Variants in MGRN1 observed in about 807,000 individuals in gnomAD.
MGRN1 encodes mahogunin ring finger 1.
Under a neutral mutation model 69.2 loss-of-function variants are expected in MGRN1, and 29 were observed. The ratio of observed to expected loss-of-function variants is 0.42; its 90% CI spans 0.31 to 0.57. The LOEUF (loss-of-function observed/expected upper bound fraction) is 0.57. Ranked by LOEUF, MGRN1 falls within the 20% of genes least tolerant of loss-of-function variation. The pLI is 0.15. For missense variants in MGRN1, 998 were observed against 796.2 expected (o/e 1.25, Z -3.05); for synonymous variants, 470 against 344.2 (o/e 1.37, Z -4.04).
At chr16:4,645,344 T>C (rs1175215096) in intron 1 of MGRN1, among the ~76,000 whole-genome samples, 1 of 152,094 alleles carries the variant, frequency 6.6e-6, no homozygotes, top group Non-Finnish European at 1.5e-5. Flanking sequence ...TTTTTAAGAA[T>C]TTTTTGTAGA....
At chr16:4,658,190 C>G (rs377284286) in intron 5 of MGRN1, among the ~76,000 whole-genome samples, 1 of 152,038 alleles carries the variant, frequency 6.6e-6, no homozygotes, top group African/African-American at 2.4e-5. Context: ...CAGCGTCCAT[C>G]TGGTCTGCAG....
intron 1 of MGRN1, among the ~76,000 whole-genome samples, chr16:4,626,077 C>T (rs912077750): frequency 1.3e-5 from 2 of 152,220 alleles, no homozygotes; most frequent in African/African-American, 2.4e-5. Flanking sequence ...CATTTTCAAC[C>T]CATTCCCCAT....
intron 1 of MGRN1, among the ~76,000 whole-genome samples, chr16:4,625,964 C>A (rs2141806807): frequency 6.6e-6 from 1 of 152,306 alleles, no homozygotes. Flanking sequence ...TCTCCGGACA[C>A]CCACAGGCCA....
chr16:4,670,127 C>G (rs142633022), intron 8 of MGRN1, among the ~76,000 whole-genome samples: 5 of 152,014 alleles, frequency 3.3e-5, no homozygotes, highest in Admixed American at 2.0e-4. Context: ...TGCAGTGGCG[C>G]GATCTCAGCT....
chr16:4,663,127 G>C (rs553645435), intron 5 of MGRN1, among the ~76,000 whole-genome samples: 7 of 151,600 alleles, frequency 4.6e-5, no homozygotes, highest in African/African-American at 1.7e-4. Context: ...GCAGTGGTGT[G>C]ATCTCGGCTC....
intron 7 of MGRN1, among the ~76,000 whole-genome samples, chr16:4,666,972 C>A (rs1015141128): frequency 3.9e-5 from 6 of 152,188 alleles, no homozygotes; most frequent in Non-Finnish European, 7.3e-5. Context: ...GTGGGACGCA[C>A]GCTTGTTTGA....
At position 4,652,813 on chromosome 16, in the gene MGRN1, C is replaced by A; in HGVS notation, c.432C>A (p.Asn144Lys). The A allele has an allele frequency of 6.2e-7, 1 of 1,607,866 alleles. No homozygotes were observed. Among genetic ancestry groups the A allele is most frequent in the Non-Finnish European group, 8.5e-7 (1 of 1,177,012 alleles). ...GCCAGGCATCGGAGGAGTTCCTGAA[C>A]GGCAGGGCAGTGTGAGTCCCGCGGG... ...IYCQASEEFL[N>K]GRAVYSPKSP... is the part of the protein sequence containing the mutation. The change falls in exon 4 of 17, where the codon AAC (asparagine) becomes AAA (lysine). Residue 144 changes from asparagine to lysine, a missense_variant. Asn to Lys is a moderately conservative substitution (Grantham distance 94). Transcript: ENST00000262370.
intron 5 of MGRN1, chr16:4,659,025 C>G (rs1454902585): frequency 6.6e-6 from 1 of 151,980 alleles, no homozygotes; most frequent in African/African-American, 2.4e-5. Context: ...GAGTGGGGGA[C>G]CACCAGGTTG....
chr16:4,686,252 C>T (rs752408197), intron 16 of MGRN1: 92 of 1,542,926 alleles, frequency 6.0e-5, no homozygotes, highest in Middle Eastern at 1.7e-4. Context: ...TCCCCCTCTC[C>T]GCGCAGCCCT....
chr16:4,657,104 G>A (rs1596288500), intron 4 of MGRN1, 142 bp from the exon 5 acceptor site: 2 of 758,006 alleles, frequency 2.6e-6, no homozygotes, highest in East Asian at 2.6e-5. Flanking sequence ...ACGTGGCCAT[G>A]TAGGCTGTTT....
rs1596307690 is a variant in MGRN1 at position 4,672,838 on chromosome 16, T to C, written c.796-660T>C. Among the ~76,000 whole-genome samples the C allele has an allele frequency of 4.6e-5, 7 of 152,338 alleles. No individual in the cohort carries two copies. The South Asian group carries it at 1.2e-3, about 27-fold the overall frequency. On this transcript the variant is annotated intron_variant, in intron 9 of 16. Transcript: ENST00000262370. ...TAACATATTAACTTGTTTTTTGTTTTTTTTGTTTGTTTGTTTTGAGATGGA... is the reference window on the plus strand; with the variant it reads ...TAACATATTAACTTGTTTTTTGTTTCTTTTGTTTGTTTGTTTTGAGATGGA...
Position 4,688,826 on chromosome 16 carries a change from G to T in MGRN1, c.1649G>T (p.Gly550Val). Residue 550 changes from glycine (G) to valine (V), a missense_variant, in exon 17 of 17, where the codon GGC becomes GTC. By Grantham distance (109) the Gly-to-Val change is moderately radical. Coordinates refer to ENST00000262370, the MANE Select transcript of MGRN1 (RefSeq NM_015246.4). ...CCCACCTCCATGGAGACGGCCCACG[G>T]CCTCGCCACCACCAGCCCCACCTGG... ...GRPTSMETAH[G>V]LATTSPTWPP... The T allele has an allele frequency of 6.4e-7, 1 of 1,553,316 alleles. No individual in the cohort carries two copies. The highest frequency in any genetic ancestry group is 8.7e-7 in the Non-Finnish European group (1 of 1,148,162).
intron 1 of MGRN1, among the ~76,000 whole-genome samples, chr16:4,641,132 C>T (rs1567177960): frequency 6.6e-6 from 1 of 152,346 alleles, no homozygotes; most frequent in East Asian, 1.9e-4. Context: ...CTGCCTGCTC[C>T]TCTTGGTCCT....
chr16:4,676,626 C>T (rs114367748), intron 10 of MGRN1, among the ~76,000 whole-genome samples: 7 of 152,148 alleles, frequency 4.6e-5, no homozygotes, highest in South Asian at 2.1e-4. Context: ...CCTGGGCTGA[C>T]GGCAGATGCA....
intron 4 of MGRN1, among the ~76,000 whole-genome samples, chr16:4,653,487 T>TTTTTG (rs911286855): frequency 7.9e-5 from 12 of 152,134 alleles, no homozygotes; most frequent in African/African-American, 2.6e-4. Flanking sequence ...TTTTGTTTTG[T>TTTTTG]TTTTGTTTTG....
rs749935176 is a variant in MGRN1 at position 4,652,815 on chromosome 16, G to T, written c.434G>T (p.Gly145Val). Residue 145 changes from glycine to valine, a missense_variant, in exon 4 of 17, where the codon GGC (glycine) becomes GTC (valine). By Grantham distance (109) the Gly-to-Val change is moderately radical. Transcript: ENST00000262370. Reference sequence around the variant, plus strand: ...CAGGCATCGGAGGAGTTCCTGAACGGCAGGGCAGTGTGAGTCCCGCGGGCG... The same window carrying T: ...CAGGCATCGGAGGAGTTCCTGAACGTCAGGGCAGTGTGAGTCCCGCGGGCG... ...YCQASEEFLNGRAVYSPKSPS... is the reference protein window; with the variant it reads ...YCQASEEFLNVRAVYSPKSPS... 74 of 1,606,996 alleles carry T rather than the reference G, an allele frequency of 4.6e-5. No homozygotes were observed. Among genetic ancestry groups the T allele is most frequent in the Non-Finnish European group, 5.6e-5 (66 of 1,176,528 alleles).
At chr16:4,671,829 A>G (rs1567221778) in intron 9 of MGRN1, among the ~76,000 whole-genome samples, 1 of 152,204 alleles carries the variant, frequency 6.6e-6, no homozygotes. Context: ...CTGTATGTCC[A>G]TAGAACCAGT....
At chr16:4,673,361 C>T (rs1204518175) in intron 9 of MGRN1, 137 bp from the exon 10 acceptor site, 5 of 1,181,356 alleles carry the variant, frequency 4.2e-6, no homozygotes, top group Non-Finnish European at 5.9e-6. Context: ...GGCAACCTCC[C>T]CCTCCCCTCT....
chr16:4,650,170 G>A lies in MGRN1; in HGVS notation c.89-195G>A, dbSNP rs192078989. 400 of 495,922 alleles carry A rather than the reference G, an allele frequency of 8.1e-4. 1 individual carries two copies. Among genetic ancestry groups the A allele is most frequent in the Middle Eastern group, 4.0e-3 (7 of 1,758 alleles). 30.7% of individuals were successfully genotyped at this position (495,922 alleles called of 1,614,324 possible). On this transcript the variant is annotated intron_variant, in intron 1 of 16. Transcript: ENST00000262370. ...ATACAAAAATCAGCTGGGCGTGGTG[G>A]TGGGTGCCGGTAATCCCAGCTACTC...
Sources: allele counts gnomAD v4.1 joint callset (sites outside exome capture counted in the v4.1 genomes callset), GRCh38; gene constraint gnomAD v4.1.1; transcripts MANE v1.5; gene names NCBI Gene and HGNC (gene_info 2026-07-23, HGNC 2026-07-21).